DDX19A: variants seen among roughly 807,000 people sequenced by gnomAD.
DDX19A encodes the protein ATP-dependent RNA helicase DDX19A.
In DDX19A, 12 loss-of-function variants were observed where a neutral mutation model predicts 60.6. That is an observed-to-expected ratio of 0.20 (90% CI 0.13 to 0.32). The LOEUF (loss-of-function observed/expected upper bound fraction) is 0.32. Ranked by LOEUF, DDX19A falls within the 10% of genes least tolerant of loss-of-function variation. DDX19A has a pLI of 1.00. For missense variants in DDX19A, 337 were observed against 600.6 expected (o/e 0.56, Z 4.59); for synonymous variants, 206 against 218.2 (o/e 0.94, Z 0.49).
At chr16:70,367,707 G>A (rs1015686117) in intron 9 of DDX19A, among the ~76,000 whole-genome samples, 4 of 151,356 alleles carry the variant, frequency 2.6e-5, no homozygotes, top group South Asian at 2.1e-4. Context: ...GAGAAACCTC[G>A]TCTCTACTAA....
chr16:70,363,681 G>A (rs1012859566), intron 5 of DDX19A: 1 of 151,976 alleles, frequency 6.6e-6, no homozygotes, highest in South Asian at 2.1e-4. Flanking sequence ...ATGTTGGCCA[G>A]GCTGGTGTCG....
intron 7 of DDX19A, 96 bp downstream of exon 7, chr16:70,365,227 A>T: frequency 1.3e-6 from 1 of 779,460 alleles, no homozygotes; most frequent in African/African-American, 1.7e-5. Context: ...TTTCTAATTC[A>T]GTCTGACCCT....
At position 70,366,494 on chromosome 16, in the gene DDX19A, G is replaced by T. The variant is rs557519698; in HGVS notation, c.783-130G>T. ...CCCTTGTCCCCATCCCAGGCCTGCT[G>T]CTCCTCCTCCCCAAGATGCTCCTCC... On this transcript the variant is annotated intron_variant, in intron 8 of 11. Transcript: ENST00000302243. 4.0e-5 allele frequency: 54 copies of T among 1,353,742 alleles called. 1 individual carries two copies. The South Asian group carries it at 6.2e-4, about 16-fold the overall frequency. 83.9% of individuals were successfully genotyped at this position (1,353,742 alleles called of 1,614,324 possible).
intron 4 of DDX19A, 129 bp downstream of exon 4, chr16:70,356,376 G>A: frequency 7.0e-7 from 1 of 1,429,920 alleles, no homozygotes; most frequent in Non-Finnish European, 9.4e-7. Context: ...TTTTTTTCGA[G>A]ACAGAGTTTC....
intron 5 of DDX19A, chr16:70,361,737 C>G: frequency 2.4e-6 from 1 of 417,052 alleles, no homozygotes; most frequent in Non-Finnish European, 4.3e-6. Flanking sequence ...TCCATGCTAT[C>G]TTAAAAACTG....
At chr16:70,366,411 C>T (rs1428556577) in intron 8 of DDX19A, 149 bp downstream of exon 8, 3 of 1,318,878 alleles carry the variant, frequency 2.3e-6, no homozygotes, top group Non-Finnish European at 2.1e-6. Context: ...CATGTCAGCG[C>T]TGATCACAGT....
At chr16:70,362,882 C>A (rs1033132792) in intron 5 of DDX19A, among the ~76,000 whole-genome samples, 3 of 151,384 alleles carry the variant, frequency 2.0e-5, no homozygotes, top group African/African-American at 7.3e-5. Flanking sequence ...GGCTTGGTGG[C>A]GCACACCTGT....
At chr16:70,369,966 C>T (rs1440220205) in intron 9 of DDX19A, among the ~76,000 whole-genome samples, 2 of 152,076 alleles carry the variant, frequency 1.3e-5, no homozygotes, top group African/African-American at 4.8e-5. Context: ...CTTCCTGTTG[C>T]ACTATATCGG....
chr16:70,357,798 T>A (rs1964257541), intron 4 of DDX19A, among the ~76,000 whole-genome samples: 1 of 152,114 alleles, frequency 6.6e-6, no homozygotes, highest in South Asian at 2.1e-4. Flanking sequence ...TTATTATTCT[T>A]GCTGCCTGCC....
chr16:70,356,888 C>T (rs1964207055), intron 4 of DDX19A: 21 of 1,269,706 alleles, frequency 1.7e-5, no homozygotes, highest in Non-Finnish European at 2.0e-5. Flanking sequence ...TTCTGGATGT[C>T]AGGAACATTT....
Position 70,361,445 on chromosome 16 carries a change from T to C in DDX19A, c.321T>C (p.Tyr107=), listed in dbSNP as rs1259337868. Reference sequence around the variant, plus strand: ...AACCACAGCTTCTCCAGGGAGTCTATGCCATGGGCTTCAATCGACCCTCCA... The same window carrying C: ...AACCACAGCTTCTCCAGGGAGTCTACGCCATGGGCTTCAATCGACCCTCCA... The part of the protein sequence containing the change: ...RLKPQLLQGV[Y]AMGFNRPSKI... The change falls in exon 5 of 12, where the codon TAT becomes TAC. Residue 107 remains tyrosine, a synonymous_variant. Transcript: ENST00000302243. 6.2e-7 allele frequency: 1 copy of C among 1,613,942 alleles called. No homozygotes were observed. The highest frequency in any genetic ancestry group is 1.7e-5 in the Admixed American group (1 of 59,978).
chr16:70,356,834 T>C (rs62048993), intron 4 of DDX19A: 2 of 1,226,234 alleles, frequency 1.6e-6, no homozygotes, highest in Non-Finnish European at 1.0e-6. Flanking sequence ...CTTATTTCTC[T>C]TATACTCTTA....
chr16:70,359,574 G>T (rs949035183), intron 4 of DDX19A, among the ~76,000 whole-genome samples: 1 of 152,198 alleles, frequency 6.6e-6, no homozygotes, highest in Admixed American at 6.6e-5. Context: ...AGAAGTTGGT[G>T]TCCAGGTGCG....
chr16:70,353,534 G>A (rs540779770), intron 2 of DDX19A, among the ~76,000 whole-genome samples: 21 of 152,078 alleles, frequency 1.4e-4, no homozygotes, highest in Admixed American at 7.9e-4. Flanking sequence ...TATCAGATTG[G>A]CAAATTCTAA....
At chr16:70,363,946 A>C (rs2151640560) in intron 5 of DDX19A, 1 of 150,878 alleles carries the variant, frequency 6.6e-6, no homozygotes, top group Non-Finnish European at 1.5e-5. Context: ...TCATTGTGTT[A>C]GCCAGGGTGG....
At chr16:70,356,503 C>T (rs946256934) in intron 4 of DDX19A, among the ~76,000 whole-genome samples, 5 of 151,606 alleles carry the variant, frequency 3.3e-5, no homozygotes, top group African/African-American at 1.2e-4. Context: ...ATTACAGGCG[C>T]CCACCACCAT....
At chr16:70,361,744 A>G in intron 5 of DDX19A, 1 of 389,474 alleles carries the variant, frequency 2.6e-6, no homozygotes, top group African/African-American at 2.1e-5. Flanking sequence ...TATCTTAAAA[A>G]CTGGGCTTAA....
intron 5 of DDX19A, among the ~76,000 whole-genome samples, chr16:70,362,172 A>G (rs2151638924): frequency 7.3e-6 from 1 of 136,194 alleles, no homozygotes; most frequent in Admixed American, 7.4e-5. Context: ...ACCCTGTCTC[A>G]AAAAAAAAAA....
At chr16:70,347,124 C>A (rs1367545228) in intron 1 of DDX19A, 76 bp downstream of exon 1, 2 of 1,483,434 alleles carry the variant, frequency 1.3e-6, no homozygotes, top group African/African-American at 1.4e-5. Flanking sequence ...AGGGAGCTCC[C>A]CGGGTTGGGG....
Sources: allele counts gnomAD v4.1 joint callset (sites outside exome capture counted in the v4.1 genomes callset), GRCh38; gene constraint gnomAD v4.1.1; transcripts MANE v1.5; gene names NCBI Gene and HGNC (gene_info 2026-07-23, HGNC 2026-07-21).